The following CSPP1 variants were observed in gnomAD, a reference collection of about 807,000 sequenced individuals.
CSPP1 encodes centrosome and spindle pole-associated protein 1.
CSPP1 carries 126 observed loss-of-function variants against 164.4 expected under a neutral mutation model. The ratio of observed to expected loss-of-function variants is 0.77; its 90% CI spans 0.66 to 0.89. CSPP1 has a LOEUF of 0.89. Among genes scored for constraint, CSPP1 ranks in the 40% least tolerant of loss-of-function variants. The pLI, the probability that CSPP1 is intolerant of heterozygous loss-of-function variation, is 0.00. For missense variants in CSPP1, 1,395 were observed against 1,449.8 expected, an observed-to-expected ratio of 0.96 and a Z score of 0.61; for synonymous variants, 472 against 476.7, an observed-to-expected ratio of 0.99 and a Z score of 0.13.
At chr8:67,069,895 G>C (rs1383394733) in intron 1 of CSPP1, among the ~76,000 whole-genome samples, 3 of 151,810 alleles carry the variant, frequency 2.0e-5, no homozygotes, top group Non-Finnish European at 2.9e-5. Context: ...CCTGACCTCA[G>C]GTGATCCACC....
Position 67,134,984 on chromosome 8 carries a change from G to A in CSPP1, c.1828-2472G>A, listed in dbSNP as rs886975302. On this transcript the variant is annotated intron_variant, in intron 16 of 30. Coordinates refer to ENST00000678616, the MANE Select transcript of CSPP1 (RefSeq NM_001382391.1). ...AGAGTCAGCCTGTCCTTTGAAGCTT[G>A]AAACCAGACATTGACTTCTCTTTAC... is the stretch of plus-strand genomic sequence containing the variant. 6 of 152,282 alleles carry A rather than the reference G, an allele frequency of 3.9e-5. No individual in the cohort carries two copies. In the East Asian group the frequency reaches 1.2e-3, roughly 29 times the overall value. 9.4% of individuals were successfully genotyped at this position (152,282 alleles called of 1,614,324 possible). A position where few individuals can be genotyped will look rare whatever the true frequency, so the allele number is the denominator to read the frequency against.
chr8:67,179,811 GT>G, intron 27 of CSPP1, 51 bp from the exon 28 acceptor site: 1 of 1,289,198 alleles, frequency 7.8e-7, no homozygotes, highest in South Asian at 1.2e-5. Context: ...TAAATTTGTT[GT>G]TTTTGTACAC....
rs113092257 is a variant in CSPP1 at position 67,095,728 on chromosome 8, G to A, written c.919G>A (p.Asp307Asn). 2.6e-5 allele frequency: 40 copies of A among 1,543,412 alleles called. 1 individual carries two copies. The highest frequency in any genetic ancestry group is 2.2e-4 in the African/African-American group (16 of 72,514). Residue 307 changes from aspartate to asparagine, a missense_variant, in exon 7 of 31, where the codon GAC becomes AAC. Coordinates refer to ENST00000678616, the MANE Select transcript of CSPP1 (RefSeq NM_001382391.1). ...DRRLSRVYTN[D>N]RMHRNKRGNM... ...AAGACTTTCGAGAGTGTATACAAAT[G>A]ACAGGTATTTACAACTTCATTTTTA...
intron 25 of CSPP1, chr8:67,173,679 G>A (rs1830927750): frequency 6.6e-6 from 1 of 152,064 alleles, no homozygotes; most frequent in Non-Finnish European, 1.5e-5. Flanking sequence ...GATAAATTGT[G>A]TTATTTATTT....
chr8:67,072,555 G>C (rs1389616598), intron 1 of CSPP1, among the ~76,000 whole-genome samples: 2 of 151,974 alleles, frequency 1.3e-5, no homozygotes, highest in Admixed American at 6.6e-5. Flanking sequence ...AACCTGCTGG[G>C]CTTGGTGGCT....
At chr8:67,074,457 T>C (rs1045607201) in intron 2 of CSPP1, 106 bp downstream of exon 2, 12 of 629,748 alleles carry the variant, frequency 1.9e-5, no homozygotes, top group Non-Finnish European at 3.2e-5. Flanking sequence ...ATCTTCTGTT[T>C]TGTAGTATGC....
rs770993498 is a variant in CSPP1 at position 67,064,409 on chromosome 8, C to T, written c.-140C>T. 2 of 1,613,686 alleles carry T rather than the reference C, an allele frequency of 1.2e-6. No individual in the cohort carries two copies. Among genetic ancestry groups the T allele is most frequent in the South Asian group, 1.1e-5 (1 of 91,070 alleles). On this transcript the variant is annotated 5_prime_UTR_variant, in exon 1 of 31. Coordinates refer to ENST00000678616, the MANE Select transcript of CSPP1 (RefSeq NM_001382391.1). ...GCCCGGAGGTCTGTCATGCTGTTCC[C>T]GCTCCAGGTGGCCGCTGTAACCTCT... is the stretch of plus-strand genomic sequence containing the variant.
At chr8:67,116,155 AG>A in intron 13 of CSPP1, 33 bp downstream of exon 13, 1 of 1,471,136 alleles carries the variant, frequency 6.8e-7, no homozygotes, top group Non-Finnish European at 9.5e-7. Flanking sequence ...TTTGGGAATT[AG>A]GTAAGGTATT....
intron 13 of CSPP1, among the ~76,000 whole-genome samples, chr8:67,117,277 T>C (rs1378820049): frequency 6.6e-6 from 1 of 152,180 alleles, no homozygotes; most frequent in East Asian, 1.9e-4. Context: ...TTTAGACACA[T>C]TGAGTGGCTA....
intron 17 of CSPP1, among the ~76,000 whole-genome samples, chr8:67,145,029 G>A (rs113760380): frequency 8.2e-4 from 120 of 146,732 alleles, no homozygotes; most frequent in East Asian, 3.6e-3. Context: ...CCAAGATTGC[G>A]TCACTGCCAG....
At chr8:67,141,240 A>G (rs2129556007) in intron 17 of CSPP1, among the ~76,000 whole-genome samples, 1 of 152,300 alleles carries the variant, frequency 6.6e-6, no homozygotes, top group African/African-American at 2.4e-5. Context: ...ATTGAGTTAT[A>G]AAACATTATT....
chr8:67,175,552 T>C lies in CSPP1; in HGVS notation c.3109+116T>C, dbSNP rs761576017. 4 of 1,229,234 alleles carry C rather than the reference T, an allele frequency of 3.3e-6. No individual in the cohort carries two copies. The Admixed American group carries it at 5.6e-5, about 17-fold the overall frequency. The allele number at this position is 1,229,234 out of a possible 1,614,324, so 76.1% of individuals were successfully genotyped here. ...CATCCTCCTTTCACTGGCAGCCCCA[T>C]GCTCACAGGGTCCGTTTGGTCTGTA... On this transcript the variant is annotated intron_variant, in intron 26 of 30. Coordinates refer to ENST00000678616, the MANE Select transcript of CSPP1 (RefSeq NM_001382391.1).
intron 15 of CSPP1, among the ~76,000 whole-genome samples, chr8:67,128,613 A>C (rs1820592050): frequency 6.6e-6 from 1 of 151,794 alleles, no homozygotes; most frequent in South Asian, 2.1e-4. Context: ...ATGAAGGAAT[A>C]CTCTCCGGTT....
At chr8:67,076,803 T>C (rs919474743) in intron 3 of CSPP1, among the ~76,000 whole-genome samples, 5 of 152,220 alleles carry the variant, frequency 3.3e-5, no homozygotes, top group African/African-American at 9.6e-5. Context: ...ATGGAACTTA[T>C]AGAAGAAGGT....
At chr8:67,076,759 C>T (rs1808003363) in intron 3 of CSPP1, among the ~76,000 whole-genome samples, 178 bp downstream of exon 3, 1 of 152,056 alleles carries the variant, frequency 6.6e-6, no homozygotes, top group South Asian at 2.1e-4. Context: ...AAACTTTGTA[C>T]TTGTTTTATG....
intron 4 of CSPP1, chr8:67,086,950 A>G: frequency 1.8e-6 from 1 of 544,166 alleles, no homozygotes; most frequent in South Asian, 1.7e-5. Context: ...ATTCAAACCA[A>G]TTAGGAAAAC....
intron 24 of CSPP1, among the ~76,000 whole-genome samples, chr8:67,165,973 A>G (rs1400236014): frequency 6.6e-6 from 1 of 152,054 alleles, no homozygotes; most frequent in Non-Finnish European, 1.5e-5. Context: ...TATTTATTCA[A>G]TCGTTTATTT....
intron 15 of CSPP1, among the ~76,000 whole-genome samples, chr8:67,119,635 A>G (rs1442165355): frequency 2.0e-5 from 3 of 152,052 alleles, no homozygotes; most frequent in Non-Finnish European, 4.4e-5. Context: ...CATTTCCCTA[A>G]TTATTAGTGA....
intron 9 of CSPP1, among the ~76,000 whole-genome samples, chr8:67,108,132 T>C (rs953060187): frequency 1.3e-5 from 2 of 152,126 alleles, no homozygotes; most frequent in Non-Finnish European, 2.9e-5. Flanking sequence ...GGCTCACACC[T>C]GTAATCCCAG....
Sources: gnomAD v4.1 joint callset for allele counts (sites outside exome capture counted in the v4.1 genomes callset) on GRCh38, gnomAD v4.1.1 for gene constraint, MANE v1.5 for transcripts, NCBI Gene and HGNC (gene_info 2026-07-23, HGNC 2026-07-21) for gene names.